Variants in TTLL11 observed in about 807,000 individuals in gnomAD.
The protein encoded by TTLL11 is tubulin polyglutamylase TTLL11.
In TTLL11, 42 loss-of-function variants were observed where a neutral mutation model predicts 51.7. The ratio of observed to expected loss-of-function variants is 0.81; its 90% CI spans 0.64 to 1.05. The LOEUF is 1.05. Among genes scored for constraint, TTLL11 ranks in the 50% least tolerant of loss-of-function variants. The pLI is 0.00. For missense variants in TTLL11, 799 were observed against 940.4 expected (o/e 0.85, Z 1.97); for synonymous variants, 381 against 383.5 (o/e 0.99, Z 0.08).
chr9:121,982,135 A>T (rs1480386452), intron 4 of TTLL11, among the ~76,000 whole-genome samples: 1 of 152,138 alleles, frequency 6.6e-6, no homozygotes, highest in East Asian at 1.9e-4. Flanking sequence ...AGGTCACTGG[A>T]TGCTGTTTAG....
At chr9:122,065,245 C>T (rs1195318092) in intron 1 of TTLL11, among the ~76,000 whole-genome samples, 2 of 152,162 alleles carry the variant, frequency 1.3e-5, no homozygotes, top group East Asian at 3.8e-4. Flanking sequence ...ACTGCAATCT[C>T]CTGGCCAATT....
chr9:121,880,273 A>G (rs1032448660), intron 6 of TTLL11, among the ~76,000 whole-genome samples: 3 of 152,172 alleles, frequency 2.0e-5, no homozygotes, highest in African/African-American at 7.2e-5. Flanking sequence ...ACGGTGAACA[A>G]GGTCCCCAGG....
At chr9:122,002,734 CAA>C (rs1447536970) in intron 3 of TTLL11, among the ~76,000 whole-genome samples, 1 of 151,928 alleles carries the variant, frequency 6.6e-6, no homozygotes, top group Non-Finnish European at 1.5e-5. Flanking sequence ...ATCACGAGGT[CAA>C]GAGATCGAGA....
intron 6 of TTLL11, among the ~76,000 whole-genome samples, chr9:121,972,127 T>C (rs1430435985): frequency 1.5e-5 from 2 of 136,182 alleles, no homozygotes; most frequent in African/African-American, 2.8e-5. Flanking sequence ...ACTTAAAGTA[T>C]GAAAAAGAAA....
At chr9:121,952,361 G>A (rs1255478232) in intron 6 of TTLL11, among the ~76,000 whole-genome samples, 15 of 149,842 alleles carry the variant, frequency 1.0e-4, no homozygotes, top group Admixed American at 8.0e-4. Flanking sequence ...CAGGAGAATC[G>A]CTTGAACCTG....
At chr9:121,929,239 A>G (rs961928528) in intron 6 of TTLL11, among the ~76,000 whole-genome samples, 1 of 152,144 alleles carries the variant, frequency 6.6e-6, no homozygotes, top group Non-Finnish European at 1.5e-5. Flanking sequence ...CAGGAGTTCA[A>G]GACCAGCCTG....
intron 1 of TTLL11, among the ~76,000 whole-genome samples, chr9:122,059,598 C>T (rs1398006947): frequency 1.3e-5 from 2 of 152,146 alleles, no homozygotes; most frequent in Admixed American, 6.5e-5. Context: ...GCACTTAATG[C>T]TCTGTGATTC....
At chr9:121,984,214 A>G (rs1842891933) in intron 4 of TTLL11, among the ~76,000 whole-genome samples, 1 of 152,128 alleles carries the variant, frequency 6.6e-6, no homozygotes, top group Admixed American at 6.5e-5. Context: ...TTTTCAAACT[A>G]TACTCCTTGG....
intron 3 of TTLL11, among the ~76,000 whole-genome samples, chr9:122,000,834 T>G (rs1356434464): frequency 6.6e-6 from 1 of 152,196 alleles, no homozygotes; most frequent in East Asian, 1.9e-4. Context: ...GAATTCTTTC[T>G]TGCACGAGAT....
At chr9:122,012,841 TC>T (rs1843852208) in intron 3 of TTLL11, among the ~76,000 whole-genome samples, 1 of 152,214 alleles carries the variant, frequency 6.6e-6, no homozygotes, top group Admixed American at 6.5e-5. Context: ...TATATTCATT[TC>T]CACATTTTCA....
At position 122,055,203 on chromosome 9, in the gene TTLL11, GGATAGATAGATAGATA is replaced by G. The variant is rs1222958113; in HGVS notation, c.463-15851_463-15836del. ...GTTCTCTAGAAAGACAGGACTAATA[GGATAGATAGATAGATA>G]GATAGATAGATAGATAGATAGATAA... On this transcript the variant is annotated intron_variant, in intron 1 of 8. Coordinates refer to ENST00000321582, the MANE Select transcript of TTLL11 (RefSeq NM_001139442.2). 2.7e-3 allele frequency among the ~76,000 whole-genome samples: 395 copies of G among 144,768 alleles called. 1 individual carries two copies. Among genetic ancestry groups the G allele is most frequent in the Middle Eastern group, 0.01 (3 of 292 alleles). The allele number at this position is 144,768 out of a possible 152,430, so 95.0% of individuals were successfully genotyped here.
chr9:121,828,144 A>ATTGTCACTT (rs1169951288), intron 8 of TTLL11, among the ~76,000 whole-genome samples: 4 of 149,606 alleles, frequency 2.7e-5, no homozygotes, highest in African/African-American at 9.8e-5. Flanking sequence ...AGGAAGATGT[A>ATTGTCACTT]TTGTCACTTA....
rs1272621849 is a variant in TTLL11 at position 121,822,669 on chromosome 9, G to T, written c.2051C>A (p.Ser684Ter). The T allele has an allele frequency of 6.5e-7, 1 of 1,542,352 alleles. No homozygotes were observed. Residue 684 changes from serine (S) to a stop codon, truncating the protein, a stop_gained, in exon 9 of 9, where the codon TCG (serine) becomes TAG (stop). Coordinates refer to ENST00000321582, the MANE Select transcript of TTLL11 (RefSeq NM_001139442.2). LOFTEE classifies it low-confidence loss of function (END_TRUNC). The surrounding 1 kb of genome is among the most constrained non-coding windows in gnomAD (Gnocchi z 5.8). ...GGGGTTGTCCCCTGCTGGCTGGGCCGAGGGGGAGGGCTCCTGGGGAGGGCC... is the reference window on the plus strand; with the variant it reads ...GGGGTTGTCCCCTGCTGGCTGGGCCTAGGGGGAGGGCTCCTGGGGAGGGCC... ...HRGPPQEPSP[S>*]AQPAGDNPPP...
intron 7 of TTLL11, among the ~76,000 whole-genome samples, chr9:121,868,729 G>A (rs770848410): frequency 2.6e-5 from 4 of 152,240 alleles, no homozygotes; most frequent in Non-Finnish European, 4.4e-5. Flanking sequence ...TAAGCCATTC[G>A]TAGATGGTTC....
intron 1 of TTLL11, among the ~76,000 whole-genome samples, chr9:122,068,935 T>C (rs988969981): frequency 6.6e-6 from 1 of 152,122 alleles, no homozygotes; most frequent in East Asian, 1.9e-4. Context: ...GTGTGGGTGA[T>C]GCAGAGACCC....
rs1836481518 is a variant in TTLL11 at position 121,818,632 on chromosome 9, G to C, written c.*3955C>G. The C allele has an allele frequency of 6.6e-6, 1 of 152,378 alleles. No individual in the cohort carries two copies. The highest frequency in any genetic ancestry group is 2.4e-5 in the African/African-American group (1 of 41,474). 9.4% of individuals were successfully genotyped at this position (152,378 alleles called of 1,614,324 possible). ...GGAAGGAACCGCTCACTCTGTTTGG[G>C]GGATTGCAGCGGGGACACTGGAACT... On this transcript the variant is annotated 3_prime_UTR_variant, in exon 9 of 9. Coordinates refer to ENST00000321582, the MANE Select transcript of TTLL11 (RefSeq NM_001139442.2).
intron 6 of TTLL11, chr9:121,885,114 T>C (rs1444511624): frequency 6.6e-6 from 1 of 152,194 alleles, no homozygotes; most frequent in Non-Finnish European, 1.5e-5. Flanking sequence ...AAGAATCATT[T>C]TCTGGAAGTC....
At chr9:122,017,043 A>G (rs13289318) in intron 3 of TTLL11, among the ~76,000 whole-genome samples, 62,441 of 152,048 alleles carry the variant, frequency 0.41, 14,025 homozygotes, top group African/African-American at 0.59. Context: ...GCAGGGTAAC[A>G]TGGGTCTCCC....
chr9:122,066,258 T>C (rs1372881176), intron 1 of TTLL11, among the ~76,000 whole-genome samples: 4 of 151,970 alleles, frequency 2.6e-5, no homozygotes, highest in African/African-American at 4.8e-5. Flanking sequence ...TTGTAGGGTT[T>C]ATAGGTCATC....
Sources: allele counts gnomAD v4.1 joint callset (sites outside exome capture counted in the v4.1 genomes callset), GRCh38; gene constraint gnomAD v4.1.1; non-coding constraint Gnocchi (gnomAD v3.1); transcripts MANE v1.5; gene names NCBI Gene and HGNC (gene_info 2026-07-23, HGNC 2026-07-21).